The following ABCA1 variants were observed in gnomAD, a reference collection of about 807,000 sequenced individuals.
The protein encoded by ABCA1 is ATP binding cassette subfamily A member 1.
In ABCA1, 133 loss-of-function variants were observed where a neutral mutation model predicts 262.5. That is an observed-to-expected ratio of 0.51 (90% CI 0.44 to 0.59). The LOEUF (loss-of-function observed/expected upper bound fraction) is 0.59, where lower values mean the gene tolerates loss of function less well. ABCA1 is among the 20% of genes least tolerant of loss of function. The pLI, the probability that ABCA1 is intolerant of heterozygous loss-of-function variation, is 0.00. For missense variants in ABCA1, 2,452 were observed against 2,777.5 expected, an observed-to-expected ratio of 0.88 and a Z score of 2.63; for synonymous variants, 1,022 against 1,043.5, an observed-to-expected ratio of 0.98 and a Z score of 0.40.
At chr9:104,889,381 A>G (rs139467861) in intron 2 of ABCA1, 186 bp from the exon 3 acceptor site, 1 of 984,774 alleles carries the variant, frequency 1.0e-6, no homozygotes, top group African/African-American at 1.7e-5. Flanking sequence ...ACCATTCCAT[A>G]TACCTCTGTG....
Position 104,794,443 on chromosome 9 carries a change from C to T in ABCA1, c.5450G>A (p.Arg1817Gln). 5 of 1,612,668 alleles carry T rather than the reference C, an allele frequency of 3.1e-6. No homozygotes were observed. The highest frequency in any genetic ancestry group is 4.2e-6 in the Non-Finnish European group (5 of 1,179,826). ...GTTTTTCACCATGTCGATGAGCCCT[C>T]GTCCCAGGCAAAAATGTGGGAAGAT... ...FLIFPHFCLG[R>Q]GLIDMVKNQA... Residue 1817 changes from arginine to glutamine, a missense_variant, in exon 40 of 50, where the codon CGA (arginine) becomes CAA (glutamine). Coordinates refer to ENST00000374736, the MANE Select transcript of ABCA1 (RefSeq NM_005502.4).
intron 43 of ABCA1, among the ~76,000 whole-genome samples, chr9:104,791,512 C>T (rs1459493118): frequency 6.6e-6 from 1 of 152,170 alleles, no homozygotes; most frequent in Non-Finnish European, 1.5e-5. Flanking sequence ...GGGCAACCTC[C>T]CCCTCCTAGG....
intron 1 of ABCA1, among the ~76,000 whole-genome samples, chr9:104,919,560 C>T (rs1403145779): frequency 6.6e-6 from 1 of 151,850 alleles, no homozygotes; most frequent in East Asian, 1.9e-4. Flanking sequence ...TGCAGTGAGC[C>T]GAGATTGCGC....
chr9:104,806,683 C>T (rs1180670780), intron 30 of ABCA1, among the ~76,000 whole-genome samples: 1 of 152,194 alleles, frequency 6.6e-6, no homozygotes, highest in Non-Finnish European at 1.5e-5. Context: ...TAAATATTTA[C>T]ATACTGAACT....
At chr9:104,821,587 A>T in intron 19 of ABCA1, 81 bp from the exon 20 acceptor site, 2 of 1,537,798 alleles carry the variant, frequency 1.3e-6, no homozygotes, top group Non-Finnish European at 1.8e-6. Context: ...CTGCAGAGAG[A>T]ACAGAACACC....
chr9:104,814,928 G>A (rs373557667), intron 25 of ABCA1, among the ~76,000 whole-genome samples: 1 of 152,148 alleles, frequency 6.6e-6, no homozygotes. Context: ...CTGGGAGGTG[G>A]AGGTTGCAGT....
At chr9:104,799,739 A>G in intron 36 of ABCA1, 80 bp downstream of exon 36, 3 of 1,613,242 alleles carry the variant, frequency 1.9e-6, no homozygotes, top group Non-Finnish European at 2.5e-6. Flanking sequence ...TTCCCCTACA[A>G]TGAGATTCAC....
intron 7 of ABCA1, among the ~76,000 whole-genome samples, chr9:104,848,366 A>C (rs147453422): frequency 0.02 from 3,117 of 152,070 alleles, 81 homozygotes; most frequent in African/African-American, 0.059. Flanking sequence ...TGTAATCTCA[A>C]CACTTTGGGA....
intron 1 of ABCA1, among the ~76,000 whole-genome samples, chr9:104,926,523 T>C (rs1266587878): frequency 1.3e-5 from 2 of 149,304 alleles, no homozygotes; most frequent in Admixed American, 1.3e-4. Context: ...TTCCTCCCCG[T>C]CTGCAACCAC....
intron 7 of ABCA1, among the ~76,000 whole-genome samples, chr9:104,854,270 C>T (rs1835639161): frequency 6.6e-6 from 1 of 152,108 alleles, no homozygotes; most frequent in Non-Finnish European, 1.5e-5. Context: ...GGATGAGCTC[C>T]AAAGCAGATT....
chr9:104,792,765 T>C, intron 42 of ABCA1, 21 bp downstream of exon 42: 1 of 1,614,004 alleles, frequency 6.2e-7, no homozygotes, highest in Non-Finnish European at 8.5e-7. Flanking sequence ...AGATGAGCTA[T>C]TGTAACCTGT....
At chr9:104,915,337 G>T (rs976337953) in intron 1 of ABCA1, among the ~76,000 whole-genome samples, 2 of 152,086 alleles carry the variant, frequency 1.3e-5, no homozygotes, top group Non-Finnish European at 2.9e-5. Flanking sequence ...AAAGTTCCAG[G>T]GCAAGCACAG....
At chr9:104,784,606 G>A (rs1828746435) in intron 49 of ABCA1, 151 bp from the exon 50 acceptor site, 1 of 960,664 alleles carries the variant, frequency 1.0e-6, no homozygotes, top group Non-Finnish European at 1.6e-6. Flanking sequence ...TGTGAAGGAG[G>A]GAAGAATACT....
At position 104,798,693 on chromosome 9, in the gene ABCA1, C is replaced by A. The variant is rs958664719; in HGVS notation, c.4944-95G>T. The stretch of plus-strand genomic sequence containing the variant: ...GGACACACAGACAAACACACACGTA[C>A]ACACACACAGAGATATCTGAGGCAC... On this transcript the variant is annotated intron_variant, in intron 36 of 49. Transcript: ENST00000374736. The A allele has an allele frequency of 5.8e-6, 6 of 1,028,156 alleles. No homozygotes were observed. In the African/African-American group the frequency reaches 9.5e-5, roughly 16 times the overall value. The allele number at this position is 1,028,156 out of a possible 1,614,324, so 63.7% of individuals were successfully genotyped here.
rs1182207353 is a variant in ABCA1, at chr9:104,781,039, G to A, written c.*3276C>T. ...AACAGAACTGTCACAGCTTTATTTT[G>A]TGACTCATTATATTACAACATAGAA... On this transcript the variant is annotated 3_prime_UTR_variant, in exon 50 of 50. Coordinates refer to ENST00000374736, the MANE Select transcript of ABCA1 (RefSeq NM_005502.4). 6.6e-6 allele frequency: 1 copy of A among 152,496 alleles called. No individual in the cohort carries two copies. The highest frequency in any genetic ancestry group is 2.4e-5 in the African/African-American group (1 of 41,398). 9.4% of individuals were successfully genotyped at this position (152,496 alleles called of 1,614,324 possible). A position where few individuals can be genotyped will look rare whatever the true frequency, so the allele number is the denominator to read the frequency against.
At chr9:104,803,359 T>G (rs1830502150) in intron 32 of ABCA1, 43 bp from the exon 33 acceptor site, 1 of 1,590,946 alleles carries the variant, frequency 6.3e-7, no homozygotes, top group Admixed American at 1.7e-5. Flanking sequence ...AAGAAAGCAC[T>G]GAGCCTATTC....
intron 2 of ABCA1, among the ~76,000 whole-genome samples, chr9:104,894,400 G>A (rs1840026073): frequency 6.6e-6 from 1 of 152,170 alleles, no homozygotes; most frequent in Non-Finnish European, 1.5e-5. Context: ...AGCAGCTGAA[G>A]CTGGTGAGTG....
intron 43 of ABCA1, among the ~76,000 whole-genome samples, chr9:104,791,495 G>A (rs1443441022): frequency 2.2e-5 from 3 of 138,138 alleles, no homozygotes; most frequent in African/African-American, 6.5e-5. Flanking sequence ...GTGCAGCAGC[G>A]CAATCTGGGC....
intron 2 of ABCA1, among the ~76,000 whole-genome samples, chr9:104,899,659 A>C (rs924664150): frequency 6.6e-6 from 1 of 151,806 alleles, no homozygotes; most frequent in Non-Finnish European, 1.5e-5. Flanking sequence ...ATACCACTGC[A>C]CTCCAGCCTG....
Sources: allele counts gnomAD v4.1 joint callset (sites outside exome capture counted in the v4.1 genomes callset), GRCh38; gene constraint gnomAD v4.1.1; transcripts MANE v1.5; gene names NCBI Gene and HGNC (gene_info 2026-07-23, HGNC 2026-07-21).